Variants in PRKAR1A observed in about 807,000 individuals in gnomAD.
PRKAR1A encodes the protein protein kinase cAMP-dependent type I regulatory subunit alpha.
PRKAR1A carries 3 observed loss-of-function variants against 52.0 expected under a neutral mutation model. The observed-to-expected ratio is 0.06, with a 90% CI of 0.03 to 0.15. The LOEUF is 0.15. PRKAR1A is among the 10% of genes least tolerant of loss of function. PRKAR1A has a pLI of 1.00. For missense variants in PRKAR1A, 240 were observed against 477.4 expected (o/e 0.50, Z 4.63); for synonymous variants, 188 against 168.4 (o/e 1.12, Z -0.90).
intron 11 of PRKAR1A, among the ~76,000 whole-genome samples, chr17:68,547,898 C>T (rs577118650): frequency 5.3e-5 from 8 of 152,150 alleles, no homozygotes; most frequent in African/African-American, 9.6e-5. Flanking sequence ...TGGCTTTCAA[C>T]GTGCCTTCCT....
At chr17:68,422,063 TTATATG>T in the PRKAR1A span, 4 of 538,540 alleles carry the variant, frequency 7.4e-6, no homozygotes, top group South Asian at 8.8e-5. Flanking sequence ...GTGTATGTAT[TTATATG>T]TATATGTATA....
At chr17:68,457,279 G>A in the PRKAR1A span, 3 of 1,519,282 alleles carry the variant, frequency 2.0e-6, no homozygotes, top group Non-Finnish European at 2.7e-6. Flanking sequence ...CTCTCAGGAC[G>A]ACACCCCTGG....
chr17:68,543,352 T>G (rs1227082598), intron 11 of PRKAR1A, among the ~76,000 whole-genome samples: 1 of 152,098 alleles, frequency 6.6e-6, no homozygotes, highest in East Asian at 1.9e-4. Context: ...CGCTCTCAGA[T>G]CAGGAAACTA....
At chr17:68,427,002 G>A in the PRKAR1A span, 43 of 723,356 alleles carry the variant, frequency 5.9e-5, no homozygotes, top group African/African-American at 6.4e-4. Flanking sequence ...CCAGGTAACA[G>A]TGAAGGGGGA....
chr17:68,466,368 C>T, the PRKAR1A span, among the ~76,000 whole-genome samples: 1 of 151,428 alleles, frequency 6.6e-6, no homozygotes, highest in African/African-American at 2.4e-5. Flanking sequence ...CAGTACACAC[C>T]CTTTCTGCTT....
the PRKAR1A span, among the ~76,000 whole-genome samples, chr17:68,485,255 G>A: frequency 1.3e-5 from 2 of 152,176 alleles, no homozygotes; most frequent in Non-Finnish European, 2.9e-5. Context: ...GATCAACTTC[G>A]CTTCCACAAA....
the PRKAR1A span, among the ~76,000 whole-genome samples, chr17:68,438,485 C>T: frequency 4.4e-4 from 67 of 152,162 alleles, no homozygotes; most frequent in Admixed American, 2.4e-3. Context: ...CCCAAAGAGG[C>T]GGCTGGCAGA....
the PRKAR1A span, among the ~76,000 whole-genome samples, chr17:68,485,018 A>G: frequency 6.6e-6 from 1 of 152,252 alleles, no homozygotes; most frequent in Non-Finnish European, 1.5e-5. Flanking sequence ...GGAATATATT[A>G]AGACATTGCA....
the PRKAR1A span, among the ~76,000 whole-genome samples, chr17:68,419,086 TG>T: frequency 2.6e-5 from 4 of 152,106 alleles, no homozygotes; most frequent in African/African-American, 9.7e-5. Flanking sequence ...CAAACATTTT[TG>T]TCCTTCCTCT....
chr17:68,486,793 C>G, the PRKAR1A span, among the ~76,000 whole-genome samples: 1 of 151,726 alleles, frequency 6.6e-6, no homozygotes, highest in Admixed American at 6.6e-5. Flanking sequence ...ACAGAAGTCA[C>G]TCATCTAATA....
At chr17:68,421,146 C>G in the PRKAR1A span, 1 of 154,848 alleles carries the variant, frequency 6.5e-6, no homozygotes, top group Non-Finnish European at 1.4e-5. Flanking sequence ...GCAGACGAGT[C>G]CATGGATAAG....
At position 68,551,264 on chromosome 17, in the gene PRKAR1A, C is replaced by A. The variant is rs538654332; in HGVS notation, c.*140C>A. 4.8e-5 allele frequency: 29 copies of A among 604,752 alleles called. No individual in the cohort carries two copies. The South Asian group carries it at 2.5e-3, about 52-fold the overall frequency. The allele number at this position is 604,752 out of a possible 1,614,324, so 37.5% of individuals were successfully genotyped here. On this transcript the variant is annotated 3_prime_UTR_variant, in exon 12 of 12. Coordinates refer to the PRKAR1A transcript ENST00000585981. ...TCATCTCTATGTTTCACAAAATTTT[C>A]AAGGCATGTAGTTGCTGTTGTTATG...
At chr17:68,432,382 A>G in the PRKAR1A span, among the ~76,000 whole-genome samples, 2 of 152,230 alleles carry the variant, frequency 1.3e-5, no homozygotes, top group Non-Finnish European at 2.9e-5. Flanking sequence ...AGGGCAAGTC[A>G]GAGAAATCTT....
downstream of PRKAR1A, chr17:68,537,211 A>G (rs2086119349): frequency 1.6e-6 from 1 of 621,794 alleles, no homozygotes; most frequent in Middle Eastern, 4.2e-4. The surrounding 1 kb of genome is among the most constrained non-coding windows in gnomAD (Gnocchi z 4.2). Flanking sequence ...CAGATTTCCC[A>G]GTGCACTCAG....
chr17:68,496,578 G>A, the PRKAR1A span, among the ~76,000 whole-genome samples: 1,339 of 152,118 alleles, frequency 8.8e-3, 27 homozygotes, highest in African/African-American at 0.031. Context: ...CATGTTTTTG[G>A]GCAGTAGGAC....
At chr17:68,433,543 A>G in the PRKAR1A span, 1 of 1,614,040 alleles carries the variant, frequency 6.2e-7, no homozygotes, top group Non-Finnish European at 8.5e-7. Context: ...TTGTGAATCC[A>G]TACTGAACAC....
chr17:68,539,497 G>A, intron 11 of PRKAR1A: 1 of 1,086,880 alleles, frequency 9.2e-7, no homozygotes, highest in African/African-American at 1.5e-5. Flanking sequence ...AGAGATTGGG[G>A]TAAAATGCCA....
At chr17:68,437,947 TTA>T in the PRKAR1A span, among the ~76,000 whole-genome samples, 3 of 58,810 alleles carry the variant, frequency 5.1e-5, no homozygotes, top group Non-Finnish European at 6.3e-5. Flanking sequence ...GACATCTCTC[TTA>T]AAAAAAAAAA....
intron 11 of PRKAR1A, among the ~76,000 whole-genome samples, chr17:68,543,894 A>C (rs533417973): frequency 1.1e-4 from 17 of 152,302 alleles, no homozygotes; most frequent in African/African-American, 4.1e-4. Flanking sequence ...CGCCAGGAGA[A>C]GACAAGCAAA....
Sources: allele counts gnomAD v4.1 joint callset (sites outside exome capture counted in the v4.1 genomes callset), GRCh38; gene constraint gnomAD v4.1.1; non-coding constraint Gnocchi (gnomAD v3.1); transcripts MANE v1.5; gene names NCBI Gene and HGNC (gene_info 2026-07-23, HGNC 2026-07-21).